TOPAZ1: variants seen among roughly 807,000 people sequenced by gnomAD.
TOPAZ1 encodes testis and ovary specific TOPAZ 1.
A neutral mutation model predicts 172.2 loss-of-function variants in TOPAZ1; 66 were observed. The ratio of observed to expected loss-of-function variants is 0.38; its 90% CI spans 0.31 to 0.47. The LOEUF (loss-of-function observed/expected upper bound fraction) is 0.47. TOPAZ1 is among the 20% of genes least tolerant of loss of function. The pLI is 0.99. For missense variants in TOPAZ1, 1,822 were observed against 1,972.4 expected (o/e 0.92, Z 1.44); for synonymous variants, 681 against 683.9 (o/e 1.00, Z 0.07).
chr3:44,272,774 T>C (rs753202215), intron 8 of TOPAZ1, among the ~76,000 whole-genome samples: 1 of 152,218 alleles, frequency 6.6e-6, no homozygotes, highest in Non-Finnish European at 1.5e-5. Context: ...TTGGCCAGGA[T>C]GGTCCCCATC....
At position 44,269,582 on chromosome 3, in the gene TOPAZ1, T is replaced by A. The variant is rs538935496; in HGVS notation, c.3246+281T>A. 4.2e-3 allele frequency among the ~76,000 whole-genome samples: 605 copies of A among 144,614 alleles called. 5 individuals are homozygous for A. The highest frequency in any genetic ancestry group is 6.9e-3 in the Non-Finnish European group (459 of 66,528). 94.9% of individuals were successfully genotyped at this position (144,614 alleles called of 152,430 possible). ...CTCACTGCCCCTTAAAAAAAAAAAATTTTCATAAAACCAATACTTTGGACC... is the reference window on the plus strand; with the variant it reads ...CTCACTGCCCCTTAAAAAAAAAAAAATTTCATAAAACCAATACTTTGGACC... On this transcript the variant is annotated intron_variant, in intron 7 of 19. Transcript: ENST00000309765.
chr3:44,260,839 G>T (rs989783231), intron 4 of TOPAZ1, among the ~76,000 whole-genome samples: 1 of 151,830 alleles, frequency 6.6e-6, no homozygotes, highest in African/African-American at 2.4e-5. Flanking sequence ...AGGTATTTTG[G>T]CATATGGTGA....
chr3:44,328,570 G>A, intron 19 of TOPAZ1, 137 bp downstream of exon 19: 2 of 424,256 alleles, frequency 4.7e-6, no homozygotes. Flanking sequence ...CTTTATGTGT[G>A]TGTATTGCAA....
rs200305433 is a variant in TOPAZ1 at position 44,327,718 on chromosome 3, GT to G, written c.4676-522del. Among the ~76,000 whole-genome samples the G allele has an allele frequency of 9.0e-4, 132 of 147,146 alleles. 2 individuals carry two copies. In the East Asian group the frequency reaches 0.022, roughly 25 times the overall value. On this transcript the variant is annotated intron_variant, in intron 18 of 19. Transcript: ENST00000309765. ...AGGCCCAAAAGTCATTTTTCAGAGT[GT>G]TTTTTTTTTAATGTTTCTCACTTTT...
chr3:44,305,352 G>T, intron 14 of TOPAZ1, 31 bp downstream of exon 14: 8 of 1,483,248 alleles, frequency 5.4e-6, no homozygotes, highest in Non-Finnish European at 7.2e-6. Flanking sequence ...TGAATATTGT[G>T]TATGAGGATG....
chr3:44,328,491 C>T (rs1700627657), intron 19 of TOPAZ1, 58 bp downstream of exon 19: 3 of 931,000 alleles, frequency 3.2e-6, no homozygotes, highest in Non-Finnish European at 3.1e-6. Context: ...CCCACACCCA[C>T]CCTAAGATGT....
intron 12 of TOPAZ1, among the ~76,000 whole-genome samples, chr3:44,299,823 A>G (rs1168219637): frequency 6.7e-6 from 1 of 149,636 alleles, no homozygotes; most frequent in African/African-American, 2.5e-5. Flanking sequence ...GAAATTGGAA[A>G]TCATCATTCT....
intron 4 of TOPAZ1, among the ~76,000 whole-genome samples, 163 bp downstream of exon 4, chr3:44,256,441 A>G (rs182671687): frequency 5.0e-4 from 76 of 152,330 alleles, no homozygotes; most frequent in Non-Finnish European, 9.4e-4. Context: ...ACTTGGTGTA[A>G]GCATAGTATA....
chr3:44,331,918 A>C lies in TOPAZ1; in HGVS notation c.4986A>C (p.Glu1662Asp), dbSNP rs750627099. 6.4e-7 allele frequency: 1 copy of C among 1,551,688 alleles called. No individual in the cohort carries two copies. The highest frequency in any genetic ancestry group is 1.2e-5 in the South Asian group (1 of 84,064). Residue 1662 changes from glutamate to aspartate, a missense_variant, in exon 20 of 20, where the codon GAA (glutamate) becomes GAC (aspartate). Physicochemically the swap from Glu to Asp is conservative, Grantham distance 45. Coordinates refer to ENST00000309765, the MANE Select transcript of TOPAZ1 (RefSeq NM_001145030.2). ...VKHMTVNVNK[E>D]QVYSLEHCSA... is the part of the protein sequence containing the mutation. The stretch of plus-strand genomic sequence containing the variant: ...ACATGACTGTCAATGTTAATAAGGA[A>C]CAGGTTTATAGTTTGGAACATTGTT...
intron 2 of TOPAZ1, among the ~76,000 whole-genome samples, chr3:44,249,281 A>G (rs143468782): frequency 2.0e-3 from 309 of 152,268 alleles, no homozygotes; most frequent in African/African-American, 6.3e-3. Flanking sequence ...TTTAAACAAA[A>G]GTATATAAAC....
chr3:44,276,304 A>T (rs947010313), intron 8 of TOPAZ1, among the ~76,000 whole-genome samples: 1 of 151,912 alleles, frequency 6.6e-6, no homozygotes, highest in Non-Finnish European at 1.5e-5. Flanking sequence ...GTTTTCTCCT[A>T]TGGTTTTAGG....
downstream of TOPAZ1, among the ~76,000 whole-genome samples, chr3:44,336,596 G>C (rs1195269258): frequency 6.6e-6 from 1 of 152,182 alleles, no homozygotes; most frequent in African/African-American, 2.4e-5. Flanking sequence ...AGAATTAGAG[G>C]TGTTTGCCCT....
intron 12 of TOPAZ1, among the ~76,000 whole-genome samples, chr3:44,293,437 G>A (rs1700161820): frequency 6.6e-6 from 1 of 152,166 alleles, no homozygotes; most frequent in Non-Finnish European, 1.5e-5. Context: ...ACAAGATGTG[G>A]AGGTGGAAGA....
Position 44,254,961 on chromosome 3 carries a change from A to G in TOPAZ1, c.2766-7A>G. On this transcript the variant is annotated splice_region_variant and splice_polypyrimidine_tract_variant and intron_variant, in intron 2 of 19. Coordinates refer to ENST00000309765, the MANE Select transcript of TOPAZ1 (RefSeq NM_001145030.2). ...ATAATGTTTAAGCTCTGTTTGCTTT[A>G]TAATAGAGAACTTCCTGTACTGGAC... 6.5e-7 allele frequency: 1 copy of G among 1,547,642 alleles called. No homozygotes were observed. The highest frequency in any genetic ancestry group is 8.7e-7 in the Non-Finnish European group (1 of 1,143,534).
At chr3:44,305,438 T>A in intron 14 of TOPAZ1, 117 bp downstream of exon 14, 1 of 814,420 alleles carries the variant, frequency 1.2e-6, no homozygotes, top group Non-Finnish European at 1.8e-6. Context: ...GGTGCGGTCA[T>A]AGCTCACCGC....
Position 44,256,278 on chromosome 3 carries a change from G to T in TOPAZ1, c.2955G>T (p.Lys985Asn). Residue 985 changes from lysine to asparagine, a missense_variant and splice_region_variant, in exon 4 of 20, where the codon AAG (lysine) becomes AAT (asparagine). By Grantham distance (94) the Lys-to-Asn change is moderately conservative (BLOSUM62 0). Around this residue, in one of 2 missense-constraint regions of TOPAZ1, gnomAD observed 1,489 missense variants for 1,490.8 expected, o/e 1.00. Coordinates refer to ENST00000309765, the MANE Select transcript of TOPAZ1 (RefSeq NM_001145030.2). ...TAAAAGGTTCAGACTTGGATGAAAA[G>T]GTACTAGGGGATCTTTTGTGTTTTT... ...EQIKGSDLDE[K>N]HRFTDKVITK... 6.6e-7 allele frequency: 1 copy of T among 1,509,122 alleles called. No homozygotes were observed. Among genetic ancestry groups the T allele is most frequent in the Non-Finnish European group, 8.8e-7 (1 of 1,135,074 alleles). 93.5% of individuals were successfully genotyped at this position (1,509,122 alleles called of 1,614,324 possible).
At chr3:44,304,417 T>G (rs569623469) in intron 13 of TOPAZ1, among the ~76,000 whole-genome samples, 7 of 152,224 alleles carry the variant, frequency 4.6e-5, no homozygotes, top group Non-Finnish European at 1.0e-4. Flanking sequence ...GAGGTACTTG[T>G]CATGGATGGC....
intron 16 of TOPAZ1, among the ~76,000 whole-genome samples, chr3:44,318,487 T>TG (rs1700475203): frequency 4.3e-4 from 1 of 2,300 alleles, no homozygotes; most frequent in South Asian, 0.013. Flanking sequence ...AGGGCCACGG[T>TG]GGGGGGTGGG....
downstream of TOPAZ1, among the ~76,000 whole-genome samples, chr3:44,334,392 A>G (rs919988315): frequency 2.0e-5 from 3 of 152,142 alleles, no homozygotes; most frequent in Admixed American, 2.0e-4. Flanking sequence ...GGGAGCATTG[A>G]GGGGATAAGT....
Sources: gnomAD v4.1 joint callset for allele counts (sites outside exome capture counted in the v4.1 genomes callset) on GRCh38, gnomAD v4.1.1 for gene constraint, gnomAD v4.1.1 regional missense constraint, MANE v1.5 for transcripts, NCBI Gene and HGNC (gene_info 2026-07-23, HGNC 2026-07-21) for gene names.